Variants in CENPC observed in about 807,000 individuals in gnomAD.
CENPC encodes the protein centromere protein C, also known as CENP-C 1.
Under a neutral mutation model 112.1 loss-of-function variants are expected in CENPC, and 63 were observed. The observed-to-expected ratio is 0.56, with a 90% confidence interval of 0.46 to 0.69. The LOEUF is 0.69. Ranked by LOEUF, CENPC falls within the 30% of genes least tolerant of loss-of-function variation. The probability of loss-of-function intolerance (pLI) is 0.00; values close to 1 mark genes in which losing one functional copy is unlikely to be tolerated. For missense variants in CENPC, 1,000 were observed against 1,103.8 expected (o/e 0.91, Z 1.33); for synonymous variants, 333 against 367.6 (o/e 0.91, Z 1.08).
intron 3 of CENPC, among the ~76,000 whole-genome samples, chr4:67,540,186 T>C (rs2109835708): frequency 6.6e-6 from 1 of 152,336 alleles, no homozygotes; most frequent in South Asian, 2.1e-4. Context: ...ATAGAAAACA[T>C]TCTTTTCTAT....
At position 67,478,666 on chromosome 4, in the gene CENPC, A is replaced by ACACACACACC. The variant is rs146500743; in HGVS notation, c.2671-3689_2671-3688insGGTGTGTGTG. ...CACACACACACACACACACACACAC[A>ACACACACACC]CCCAAAGTATTCAGGCAACAACTAG... On this transcript the variant is annotated intron_variant, in intron 17 of 18. Transcript: ENST00000273853. Among the ~76,000 whole-genome samples the ACACACACACC allele has an allele frequency of 5.0e-3, 381 of 76,638 alleles. 20 individuals carry two copies. Among genetic ancestry groups the ACACACACACC allele is most frequent in the African/African-American group, 0.014 (359 of 26,004 alleles). 50.3% of individuals were successfully genotyped at this position (76,638 alleles called of 152,430 possible).
rs756357747 is a variant in CENPC, at chr4:67,524,631, G to A, written c.332-5129C>T. On this transcript the variant is annotated intron_variant, in intron 5 of 18. Transcript: ENST00000273853. The stretch of plus-strand genomic sequence containing the variant: ...CCTAGGAATACAACTTACAAGGGAC[G>A]TGAGGGACCTCTTGAAGGAGAACTA... Among the ~76,000 whole-genome samples, 34 of 152,262 alleles carry A rather than the reference G, an allele frequency of 2.2e-4. No individual in the cohort carries two copies. In the Middle Eastern group the frequency reaches 0.01, roughly 46 times the overall value.
At chr4:67,533,975 T>C (rs1242248667) in intron 4 of CENPC, among the ~76,000 whole-genome samples, 1 of 152,028 alleles carries the variant, frequency 6.6e-6, no homozygotes, top group Non-Finnish European at 1.5e-5. Context: ...AGGTTTGAGG[T>C]TGCAGTGGGC....
intron 16 of CENPC, among the ~76,000 whole-genome samples, chr4:67,490,837 A>ATATATATATATATATAT (rs1725229383): frequency 1.8e-5 from 1 of 57,112 alleles, no homozygotes; most frequent in African/African-American, 5.9e-5. Flanking sequence ...TATAGAAATA[A>ATATATATATATATATAT]ATATATATAT....
At position 67,514,523 on chromosome 4, in the gene CENPC, A is replaced by T; in HGVS notation, c.995T>A (p.Ile332Lys). 1.2e-6 allele frequency: 2 copies of T among 1,613,074 alleles called. No individual in the cohort carries two copies. Among genetic ancestry groups the T allele is most frequent in the Non-Finnish European group, 1.7e-6 (2 of 1,179,548 alleles). Residue 332 changes from isoleucine to lysine, a missense_variant, in exon 8 of 19, where the codon ATA becomes AAA. Transcript: ENST00000273853. ...RKAGSLKQRT[I>K]SPAESTALLQ... ...GAGTGCAGTGCTCTCAGCCGGGGAT[A>T]TTGTGCGTTGTTTCAGAGACCCTGC... is the stretch of plus-strand genomic sequence containing the variant.
At chr4:67,478,902 A>C (rs1724880964) in intron 17 of CENPC, among the ~76,000 whole-genome samples, 1 of 152,234 alleles carries the variant, frequency 6.6e-6, no homozygotes, top group Non-Finnish European at 1.5e-5. Flanking sequence ...ATGGATACCA[A>C]AAGAGAGCAG....
chr4:67,506,680 A>C, intron 11 of CENPC, 108 bp downstream of exon 11: 1 of 890,924 alleles, frequency 1.1e-6, no homozygotes, highest in South Asian at 2.7e-5. Context: ...ATGAAACAAT[A>C]AGTGTTTTTA....
intron 4 of CENPC, among the ~76,000 whole-genome samples, chr4:67,537,666 G>A (rs958426386): frequency 2.0e-5 from 3 of 152,070 alleles, no homozygotes; most frequent in African/African-American, 2.4e-5. Context: ...GGAGATGGGC[G>A]CCTGTAACCC....
At chr4:67,513,981 TA>T in intron 8 of CENPC, 92 bp downstream of exon 8, 1 of 1,234,198 alleles carries the variant, frequency 8.1e-7, no homozygotes, top group Non-Finnish European at 1.1e-6. Context: ...CATTTAGGTT[TA>T]CTTTGCCTAC....
chr4:67,521,387 T>C (rs1221525000), intron 5 of CENPC, among the ~76,000 whole-genome samples: 2 of 152,110 alleles, frequency 1.3e-5, no homozygotes, highest in Non-Finnish European at 2.9e-5. Context: ...AAAAAGTTTT[T>C]TGGATATTAG....
At chr4:67,545,248 C>G in intron 1 of CENPC, 90 bp downstream of exon 1, 3 of 1,292,054 alleles carry the variant, frequency 2.3e-6, no homozygotes, top group Non-Finnish European at 3.1e-6. Flanking sequence ...ATCACAGCCT[C>G]AGCCTAGCAT....
At chr4:67,502,816 C>T (rs764259822) in intron 12 of CENPC, among the ~76,000 whole-genome samples, 5 of 152,100 alleles carry the variant, frequency 3.3e-5, no homozygotes, top group Non-Finnish European at 5.9e-5. Context: ...TTCTCTCTAA[C>T]GCCTCTCTTT....
intron 12 of CENPC, among the ~76,000 whole-genome samples, chr4:67,500,830 G>A (rs1231146405): frequency 6.6e-6 from 1 of 152,182 alleles, no homozygotes. Context: ...ATCATTAGTG[G>A]CTGATAATTC....
chr4:67,538,195 T>C (rs1211713461), intron 4 of CENPC, among the ~76,000 whole-genome samples: 1 of 152,184 alleles, frequency 6.6e-6, no homozygotes, highest in African/African-American at 2.4e-5. Flanking sequence ...TTCTTATTTA[T>C]TATACATTTA....
At chr4:67,533,050 A>G (rs975888180) in intron 4 of CENPC, among the ~76,000 whole-genome samples, 3 of 152,200 alleles carry the variant, frequency 2.0e-5, no homozygotes, top group African/African-American at 4.8e-5. Flanking sequence ...GTATCAGCAC[A>G]GTAGAGAAAT....
At chr4:67,525,817 C>T (rs770669611) in intron 5 of CENPC, among the ~76,000 whole-genome samples, 1 of 152,212 alleles carries the variant, frequency 6.6e-6, no homozygotes. Context: ...AATCCCATCA[C>T]TGGGTATGTA....
chr4:67,502,731 C>T (rs1472538766), intron 12 of CENPC, among the ~76,000 whole-genome samples: 1 of 152,132 alleles, frequency 6.6e-6, no homozygotes, highest in Non-Finnish European at 1.5e-5. Context: ...TCAAAATCTG[C>T]TTCTTCCCCA....
chr4:67,497,716 A>G (rs1368475553), intron 12 of CENPC, among the ~76,000 whole-genome samples: 4 of 152,026 alleles, frequency 2.6e-5, no homozygotes, highest in Non-Finnish European at 4.4e-5. Flanking sequence ...TATTTTTTGT[A>G]GAAACAGGTT....
intron 18 of CENPC, among the ~76,000 whole-genome samples, chr4:67,474,431 C>T (rs1724749818): frequency 6.6e-6 from 1 of 152,132 alleles, no homozygotes; most frequent in African/African-American, 2.4e-5. Context: ...TGGTTGGGCA[C>T]TGTGGCTCAC....
Sources: allele counts gnomAD v4.1 joint callset (sites outside exome capture counted in the v4.1 genomes callset), GRCh38; gene constraint gnomAD v4.1.1; transcripts MANE v1.5; gene names NCBI Gene and HGNC (gene_info 2026-07-23, HGNC 2026-07-21).